The following ATIC variants were observed in gnomAD, a reference collection of about 807,000 sequenced individuals.
ATIC encodes bifunctional purine biosynthesis protein ATIC.
A neutral mutation model predicts 72.5 loss-of-function variants in ATIC; 64 were observed. The observed-to-expected ratio is 0.88, with a 90% CI of 0.72 to 1.09. The LOEUF is 1.09. Among genes scored for constraint, ATIC ranks in the 50% least tolerant of loss-of-function variants. ATIC has a pLI of 0.00. For synonymous variants in ATIC, 281 were observed against 267.1 expected, an observed-to-expected ratio of 1.05 and a Z score of -0.51; for missense variants, 787 against 732.4, an observed-to-expected ratio of 1.07 and a Z score of -0.86.
At chr2:215,352,482 T>C (rs1243517172), downstream of ATIC, among the ~76,000 whole-genome samples, 1 of 151,898 alleles carries the variant, frequency 6.6e-6, no homozygotes, top group African/African-American at 2.4e-5. Flanking sequence ...CTTGGGAGGC[T>C]GAGGCAGGAG....
chr2:215,315,937 A>G (rs2052703870), intron 2 of ATIC, among the ~76,000 whole-genome samples: 1 of 151,734 alleles, frequency 6.6e-6, no homozygotes, highest in African/African-American at 2.4e-5. Context: ...CCTGGATGAC[A>G]GAGAGAAACA....
intron 2 of ATIC, among the ~76,000 whole-genome samples, chr2:215,314,522 G>C (rs2052688900): frequency 6.6e-6 from 1 of 150,582 alleles, no homozygotes; most frequent in African/African-American, 2.4e-5. Flanking sequence ...CTCTGAGATA[G>C]AGTTTCACTC....
chr2:215,367,823 G>A, the ATIC span: 27 of 1,607,660 alleles, frequency 1.7e-5, no homozygotes, highest in Non-Finnish European at 2.2e-5. Flanking sequence ...GGAACTTGAG[G>A]AGACAAACAC....
At chr2:215,362,137 A>T in the ATIC span, 1 of 1,329,186 alleles carries the variant, frequency 7.5e-7, no homozygotes, top group Non-Finnish European at 1.1e-6. Context: ...GGACATCGTA[A>T]TTTAGTGTTT....
chr2:215,357,677 T>C, the ATIC span, among the ~76,000 whole-genome samples: 8 of 149,294 alleles, frequency 5.4e-5, no homozygotes, highest in East Asian at 1.9e-3. Flanking sequence ...GAATCTTTTA[T>C]TTTAATGAGG....
chr2:215,320,968 C>T (rs764272406), intron 4 of ATIC, among the ~76,000 whole-genome samples: 2 of 152,116 alleles, frequency 1.3e-5, no homozygotes, highest in African/African-American at 2.4e-5. Flanking sequence ...TAAGGGATCT[C>T]CCCCGTGACC....
chr2:215,335,985 G>C, intron 10 of ATIC, 50 bp from the exon 11 acceptor site: 1 of 1,406,762 alleles, frequency 7.1e-7, no homozygotes, highest in South Asian at 1.2e-5. Flanking sequence ...TTTTTTAAGA[G>C]GTGTTCTCTG....
intron 2 of ATIC, 93 bp from the exon 3 acceptor site, chr2:215,318,064 A>G (rs2052728452): frequency 1.7e-6 from 2 of 1,172,702 alleles, no homozygotes; most frequent in Non-Finnish European, 1.3e-6. Flanking sequence ...TTCAGGCTCA[A>G]AATCTCTTGA....
At chr2:215,352,083 T>G (rs2053134865), downstream of ATIC, among the ~76,000 whole-genome samples, 1 of 152,046 alleles carries the variant, frequency 6.6e-6, no homozygotes, top group Admixed American at 6.5e-5. Flanking sequence ...GGAGATGTGG[T>G]GAGTAAATGC....
At chr2:215,359,295 G>T in the ATIC span, among the ~76,000 whole-genome samples, 1 of 152,094 alleles carries the variant, frequency 6.6e-6, no homozygotes, top group African/African-American at 2.4e-5. Context: ...TAGATATCAA[G>T]GCTTTAAGCA....
At position 215,326,988 on chromosome 2, in the gene ATIC, G is replaced by A. The variant is rs377022399; in HGVS notation, c.688+10G>A. 6.7e-5 allele frequency: 108 copies of A among 1,614,044 alleles called. No individual in the cohort carries two copies. The African/African-American group carries it at 1.2e-3, about 18-fold the overall frequency. Reference sequence around the variant, plus strand: ...AAGCTTCCCATCACAGGTAAAGCCCGAGCGTTCTGTGGCATGGTTTGCTGT... The same window carrying A: ...AAGCTTCCCATCACAGGTAAAGCCCAAGCGTTCTGTGGCATGGTTTGCTGT... On this transcript the variant is annotated intron_variant, in intron 7 of 15. Coordinates refer to ENST00000236959, the MANE Select transcript of ATIC (RefSeq NM_004044.7).
the ATIC span, among the ~76,000 whole-genome samples, chr2:215,358,969 G>A: frequency 1.3e-5 from 2 of 152,126 alleles, no homozygotes; most frequent in Non-Finnish European, 2.9e-5. Context: ...TGCAACCTCC[G>A]CCTCCTGGGT....
At chr2:215,362,067 C>T in the ATIC span, 1 of 1,613,916 alleles carries the variant, frequency 6.2e-7, no homozygotes, top group Non-Finnish European at 8.5e-7. Context: ...CGGCAGTTGT[C>T]ACAGCGCCAG....
chr2:215,323,643 T>C (rs1292461079), intron 4 of ATIC, among the ~76,000 whole-genome samples: 1 of 152,226 alleles, frequency 6.6e-6, no homozygotes, highest in Non-Finnish European at 1.5e-5. Flanking sequence ...GGTGGTATCA[T>C]CTGCAAATAG....
At chr2:215,366,772 C>A in the ATIC span, among the ~76,000 whole-genome samples, 1 of 152,202 alleles carries the variant, frequency 6.6e-6, no homozygotes, top group African/African-American at 2.4e-5. Flanking sequence ...AACTTGACAT[C>A]CCCGCTCCCA....
At chr2:215,344,409 CAGGTGTGG>C (rs777074973) in intron 12 of ATIC, among the ~76,000 whole-genome samples, 1 of 151,974 alleles carries the variant, frequency 6.6e-6, no homozygotes, top group Non-Finnish European at 1.5e-5. Flanking sequence ...TAAAGTTGGC[CAGGTGTGG>C]TGGCTCACAC....
chr2:215,343,811 G>A (rs746860219), intron 12 of ATIC, among the ~76,000 whole-genome samples: 13 of 152,306 alleles, frequency 8.5e-5, no homozygotes, highest in Admixed American at 5.9e-4. Context: ...CAACTTATCT[G>A]TTGGCTGTAG....
At chr2:215,323,787 T>A (rs961377183) in intron 4 of ATIC, among the ~76,000 whole-genome samples, 5 of 152,244 alleles carry the variant, frequency 3.3e-5, no homozygotes, top group Non-Finnish European at 7.3e-5. Context: ...TGTTTCTTTT[T>A]TTTAAGATGG....
chr2:215,323,572 C>T (rs750086930), intron 4 of ATIC, among the ~76,000 whole-genome samples: 29 of 152,126 alleles, frequency 1.9e-4, no homozygotes, highest in Non-Finnish European at 3.1e-4. Flanking sequence ...TGCGGCTTTG[C>T]TGAACTCATT....
Sources: gnomAD v4.1 joint callset for allele counts (sites outside exome capture counted in the v4.1 genomes callset) on GRCh38, gnomAD v4.1.1 for gene constraint, MANE v1.5 for transcripts, NCBI Gene and HGNC (gene_info 2026-07-23, HGNC 2026-07-21) for gene names.